SRSF11: variants seen among roughly 807,000 people sequenced by gnomAD.
The protein encoded by SRSF11 is serine/arginine-rich splicing factor 11.
Under a neutral mutation model 56.0 loss-of-function variants are expected in SRSF11, and 9 were observed. The ratio of observed to expected loss-of-function variants is 0.16; its 90% CI spans 0.10 to 0.28. The LOEUF is 0.28. Among genes scored for constraint, SRSF11 ranks in the 10% least tolerant of loss-of-function variants. SRSF11 has a pLI of 1.00. For synonymous variants in SRSF11, 222 were observed against 215.3 expected (o/e 1.03, Z -0.27); for missense variants, 421 against 600.7 (o/e 0.70, Z 3.13).
At chr1:70,222,491 A>T (rs542661516) in intron 1 of SRSF11, among the ~76,000 whole-genome samples, 43 of 152,350 alleles carry the variant, frequency 2.8e-4, no homozygotes, top group African/African-American at 1.0e-3. Context: ...TTGAAATTTG[A>T]ATTAGAGTGT....
At chr1:70,239,693 C>T (rs947560085) in intron 7 of SRSF11, among the ~76,000 whole-genome samples, 173 bp downstream of exon 7, 3 of 151,920 alleles carry the variant, frequency 2.0e-5, no homozygotes, top group African/African-American at 4.8e-5. Context: ...AAGCGACAGA[C>T]GAAATAGATG....
At chr1:70,247,179 T>TA (rs1676947467) in intron 9 of SRSF11, 1 of 903,180 alleles carries the variant, frequency 1.1e-6, no homozygotes, top group Non-Finnish European at 1.4e-6. Flanking sequence ...GTTTAAGTTT[T>TA]AATGGCTAAA....
intron 8 of SRSF11, among the ~76,000 whole-genome samples, 183 bp downstream of exon 8, chr1:70,244,998 A>T (rs1022912241): frequency 1.3e-5 from 2 of 152,256 alleles, no homozygotes; most frequent in African/African-American, 2.4e-5. Context: ...TTGTAAACTG[A>T]AACTTCAGCT....
intron 2 of SRSF11, chr1:70,231,219 A>G: frequency 8.1e-7 from 1 of 1,237,068 alleles, no homozygotes; most frequent in Non-Finnish European, 1.0e-6. Flanking sequence ...TTTTATGATG[A>G]GATGCAGTTT....
At chr1:70,243,952 T>G (rs1676145130) in intron 7 of SRSF11, among the ~76,000 whole-genome samples, 1 of 151,996 alleles carries the variant, frequency 6.6e-6, no homozygotes, top group South Asian at 2.1e-4. Flanking sequence ...TAATTGTGCT[T>G]CTTAGTCCTG....
intron 2 of SRSF11, chr1:70,229,550 C>G (rs139739921): frequency 2.0e-6 from 2 of 984,772 alleles, no homozygotes; most frequent in Non-Finnish European, 2.4e-6. Context: ...AAATTTTACT[C>G]GAATCACTGA....
At position 70,221,608 on chromosome 1, in the gene SRSF11, A is replaced by G; in HGVS notation, c.-29A>G. On this transcript the variant is annotated 5_prime_UTR_variant, in exon 1 of 12. It removes the in-frame stop codon of an upstream open reading frame in the 5' UTR. Transcript: ENST00000370949. ...CTGTTTGTTGTGTGTTTGATGTGTT[A>G]AAGCAGGAGCGAGAACCCGAGCAGC... 1 of 1,596,410 alleles carries G rather than the reference A, an allele frequency of 6.3e-7. No homozygotes were observed.
In SRSF11 at chr1:70,212,539, G is replaced by A. The variant is rs181332602; in HGVS notation, c.-26+6759G>A. 2.9e-3 allele frequency among the ~76,000 whole-genome samples: 434 copies of A among 152,278 alleles called. 2 individuals carry two copies. Among genetic ancestry groups the A allele is most frequent in the African/African-American group, 9.6e-3 (397 of 41,552 alleles). On this transcript the variant is annotated intron_variant, in intron 1 of 12. Coordinates refer to the SRSF11 transcript ENST00000370950. ...CCCAAAGTGCTGGGATTACAGGTGT[G>A]AGCCATTATGCCTGGTTTTAATTTA...
chr1:70,247,087 T>G (rs1052140523), intron 9 of SRSF11, 180 bp downstream of exon 9: 1 of 1,139,686 alleles, frequency 8.8e-7, no homozygotes, highest in Non-Finnish European at 1.2e-6. Flanking sequence ...GTAGTTTATT[T>G]TTCTTTTTAC....
intron 1 of SRSF11, among the ~76,000 whole-genome samples, chr1:70,208,115 TTTG>T (rs1187955510): frequency 6.6e-6 from 1 of 152,170 alleles, no homozygotes; most frequent in Non-Finnish European, 1.5e-5. Context: ...AATTTTTAAA[TTTG>T]TTGTTCTTGA....
At chr1:70,231,424 A>G in intron 2 of SRSF11, 1 of 1,059,564 alleles carries the variant, frequency 9.4e-7, no homozygotes, top group Non-Finnish European at 1.1e-6. Flanking sequence ...GAATACACAG[A>G]TTAGGCTTTA....
chr1:70,225,670 C>G (rs1342279722), intron 1 of SRSF11, among the ~76,000 whole-genome samples: 2 of 152,082 alleles, frequency 1.3e-5, no homozygotes, highest in Non-Finnish European at 2.9e-5. Context: ...TCTCTGTAGT[C>G]TAGAAGATTC....
At chr1:70,220,643 A>T (rs1170224483), upstream of SRSF11, among the ~76,000 whole-genome samples, 2 of 152,204 alleles carry the variant, frequency 1.3e-5, no homozygotes, top group African/African-American at 4.8e-5. Context: ...AGAGGTCAGG[A>T]GTTGGAGACC....
chr1:70,236,258 AC>A (rs1303474112), intron 5 of SRSF11, among the ~76,000 whole-genome samples: 2 of 151,936 alleles, frequency 1.3e-5, no homozygotes, highest in African/African-American at 4.8e-5. Context: ...ATTATTTATT[AC>A]ATTTCCTGTT....
At chr1:70,250,580 T>C (rs1158148104) in intron 11 of SRSF11, 28 bp from the exon 12 acceptor site, 1 of 1,610,162 alleles carries the variant, frequency 6.2e-7, no homozygotes, top group South Asian at 1.1e-5. Flanking sequence ...TTTGGAGAAG[T>C]TTACTTTTAT....
At chr1:70,207,676 A>G (rs1669172439) in intron 1 of SRSF11, among the ~76,000 whole-genome samples, 1 of 151,760 alleles carries the variant, frequency 6.6e-6, no homozygotes, top group Non-Finnish European at 1.5e-5. Context: ...TCGAGTACAA[A>G]ATTTTACAGT....
intron 1 of SRSF11, among the ~76,000 whole-genome samples, chr1:70,215,299 C>CT (rs1378488217): frequency 1.3e-5 from 2 of 152,210 alleles, no homozygotes; most frequent in Non-Finnish European, 2.9e-5. Context: ...TAGCCAAATA[C>CT]TTTGAGAGTT....
chr1:70,221,887 G>GA, intron 1 of SRSF11, 48 bp downstream of exon 1: 1 of 1,608,540 alleles, frequency 6.2e-7, no homozygotes, highest in Non-Finnish European at 8.5e-7. Flanking sequence ...GCCTCAGCCT[G>GA]GGCCTAACAC....
intron 7 of SRSF11, among the ~76,000 whole-genome samples, chr1:70,243,126 A>G (rs1190456041): frequency 6.6e-6 from 1 of 152,044 alleles, no homozygotes; most frequent in Non-Finnish European, 1.5e-5. Flanking sequence ...AACAGAAGCT[A>G]TATTAGTACA....
Sources: allele counts gnomAD v4.1 joint callset (sites outside exome capture counted in the v4.1 genomes callset), GRCh38; gene constraint gnomAD v4.1.1; transcripts MANE v1.5; gene names NCBI Gene and HGNC (gene_info 2026-07-23, HGNC 2026-07-21).